TAF7L: variants seen among roughly 807,000 people sequenced by gnomAD.
The protein encoded by TAF7L is transcription initiation factor TFIID subunit 7-like.
TAF7L carries 6 observed loss-of-function variants against 30.2 expected under a neutral mutation model. The ratio of observed to expected loss-of-function variants is 0.20; its 90% confidence interval spans 0.11 to 0.39. The LOEUF (loss-of-function observed/expected upper bound fraction) is 0.39, where lower values mean the gene tolerates loss of function less well. TAF7L is among the 10% of genes least tolerant of loss of function. TAF7L has a pLI of 1.00. For missense variants in TAF7L, 284 were observed against 277.1 expected (o/e 1.03, Z -0.18); for synonymous variants, 93 against 94.5 (o/e 0.98, Z 0.09).
intron 4 of TAF7L, 91 bp from the exon 5 acceptor site, chrX:101,282,544 A>G: frequency 1.0e-6 from 1 of 988,743 alleles, no homozygotes; most frequent in Non-Finnish European, 1.4e-6. Flanking sequence ...TGCACAGAAG[A>G]GACTGATACT....
At chrX:101,276,280 C>T in intron 10 of TAF7L, 27 bp downstream of exon 10, 1 of 1,210,546 alleles carries the variant, frequency 8.3e-7, no homozygotes, top group Non-Finnish European at 1.1e-6. Context: ...CCACCCTGGT[C>T]CCATCCCTTT....
chrX:101,288,386 G>A (rs1179512156), intron 1 of TAF7L, among the ~76,000 whole-genome samples: 3 of 108,406 alleles, frequency 2.8e-5, no homozygotes, highest in African/African-American at 1.0e-4. Context: ...CAAGTGATCC[G>A]CCCACCTCAG....
At chrX:101,286,711 A>G in intron 2 of TAF7L, 58 bp from the exon 3 acceptor site, 1 of 892,740 alleles carries the variant, frequency 1.1e-6, no homozygotes, top group African/African-American at 2.0e-5. Flanking sequence ...GGCAGCTAAC[A>G]GAATAGATAT....
chrX:101,277,307 C>G (rs184545775), intron 9 of TAF7L, among the ~76,000 whole-genome samples: 299 of 106,775 alleles, frequency 2.8e-3, no homozygotes, highest in African/African-American at 9.8e-3. Flanking sequence ...AAAAAATTAG[C>G]TGGGCATGGT....
chrX:101,276,189 C>T, intron 10 of TAF7L, 77 bp from the exon 11 acceptor site: 1 of 1,172,225 alleles, frequency 8.5e-7, no homozygotes, highest in Admixed American at 2.4e-5. Context: ...AAGTAAAACT[C>T]TACTACACAT....
chrX:101,281,942 G>A (rs1450036859), intron 5 of TAF7L, among the ~76,000 whole-genome samples, 167 bp from the exon 6 acceptor site: 3 of 102,531 alleles, frequency 2.9e-5, no homozygotes, highest in African/African-American at 1.1e-4. Context: ...CTGGAGTGCA[G>A]TGGTGCGAGC....
intron 7 of TAF7L, among the ~76,000 whole-genome samples, 164 bp from the exon 8 acceptor site, chrX:101,278,285 C>T (rs4986657): frequency 0.17 from 18,843 of 111,589 alleles, 1,357 homozygotes; most frequent in Non-Finnish European, 0.22. Flanking sequence ...ATAAAGGAAT[C>T]TTTAGCCAGG....
chrX:101,274,772 G>A (rs938399093), intron 12 of TAF7L, among the ~76,000 whole-genome samples: 3 of 111,920 alleles, frequency 2.7e-5, no homozygotes, highest in Non-Finnish European at 3.8e-5. Flanking sequence ...TCAAATGTAT[G>A]TATAGCTCAC....
At chrX:101,271,543 T>C (rs576414525) in intron 12 of TAF7L, among the ~76,000 whole-genome samples, 1 of 111,887 alleles carries the variant, frequency 8.9e-6, no homozygotes, top group East Asian at 2.8e-4. Flanking sequence ...TACACTTATA[T>C]AGGGCACTTA....
At chrX:101,276,162 G>A in intron 10 of TAF7L, 50 bp from the exon 11 acceptor site, 2 of 1,154,077 alleles carry the variant, frequency 1.7e-6, no homozygotes, top group Admixed American at 5.2e-5. Flanking sequence ...CTAAATGAAT[G>A]GACCAAGATC....
intron 1 of TAF7L, 46 bp downstream of exon 1, chrX:101,291,178 G>A (rs995674243): frequency 6.8e-5 from 43 of 633,624 alleles, no homozygotes; most frequent in Non-Finnish European, 7.9e-5. Flanking sequence ...GCACACTGGC[G>A]GGGCGCTGAC....
intron 1 of TAF7L, among the ~76,000 whole-genome samples, chrX:101,290,529 G>A (rs1221501998): frequency 9.0e-6 from 1 of 111,694 alleles, no homozygotes; most frequent in Non-Finnish European, 1.9e-5. Flanking sequence ...AGATTTCTCA[G>A]CAGAACTAAA....
At chrX:101,291,011 G>A (rs1924777682) in intron 1 of TAF7L, among the ~76,000 whole-genome samples, 1 of 111,970 alleles carries the variant, frequency 8.9e-6, no homozygotes, top group African/African-American at 3.2e-5. Flanking sequence ...TATCCCCGGG[G>A]CACTAAGCTT....
Position 101,273,245 on chromosome X carries a change from C to T in TAF7L, c.1086+1977G>A, listed in dbSNP as rs1011317264. Among the ~76,000 whole-genome samples, 4 of 111,926 alleles carry T rather than the reference C, an allele frequency of 3.6e-5. No homozygotes were observed. In the East Asian group the frequency reaches 1.1e-3, roughly 31 times the overall value. On this transcript the variant is annotated intron_variant, in intron 12 of 12. Transcript: ENST00000356784. ...CCCAACCAGCCTCTTTGCTTCTACTCTCACCTTCTTCCAACCCATTCTCCA... is the reference window on the plus strand; with the variant it reads ...CCCAACCAGCCTCTTTGCTTCTACTTTCACCTTCTTCCAACCCATTCTCCA...
chrX:101,286,739 C>G (rs888071633), intron 2 of TAF7L, 86 bp from the exon 3 acceptor site: 1 of 696,813 alleles, frequency 1.4e-6, no homozygotes, highest in Non-Finnish European at 2.2e-6. Flanking sequence ...AAAGCCCTCC[C>G]TTAAATAAAA....
In TAF7L at chrX:101,279,039, T is replaced by C; in HGVS notation, c.463-4A>G. 8.4e-7 allele frequency: 1 copy of C among 1,197,501 alleles called. No homozygotes were observed. Among genetic ancestry groups the C allele is most frequent in the Non-Finnish European group, 1.1e-6 (1 of 883,376 alleles). ...CCATTTCTTTGACATCAGGGACCTA[T>C]GAAATAAAACACAATAAACAAGTTA... On this transcript the variant is annotated splice_region_variant and splice_polypyrimidine_tract_variant and intron_variant, in intron 6 of 12. Coordinates refer to ENST00000356784, the MANE Select transcript of TAF7L (RefSeq NM_001168474.2).
At chrX:101,287,027 C>G (rs1182537191) in intron 2 of TAF7L, among the ~76,000 whole-genome samples, 2 of 112,154 alleles carry the variant, frequency 1.8e-5, no homozygotes, top group Non-Finnish European at 3.8e-5. Context: ...GCTGCCTAGA[C>G]TAAGTAATTG....
At chrX:101,277,940 T>C (rs1924269911) in intron 8 of TAF7L, 109 bp downstream of exon 8, 2 of 687,717 alleles carry the variant, frequency 2.9e-6, no homozygotes, top group African/African-American at 4.3e-5. Flanking sequence ...TCAAAGAATC[T>C]TAAGTTCCAC....
chrX:101,276,509 C>G lies in TAF7L; in HGVS notation c.711G>C (p.Glu237Asp). ...HTSSEYDMLR[E>D]MFSDSRSNND... is the part of the protein sequence containing the mutation. ...TGTTACTTCTAGAATCACTGAACATCTCCCGAAGCATATCATATTCTACTA... is the reference window on the plus strand; with the variant it reads ...TGTTACTTCTAGAATCACTGAACATGTCCCGAAGCATATCATATTCTACTA... The change falls in exon 10 of 13, where the codon GAG becomes GAC. Residue 237 changes from glutamate to aspartate, a missense_variant. Coordinates refer to ENST00000356784, the MANE Select transcript of TAF7L (RefSeq NM_001168474.2). The G allele has an allele frequency of 1.7e-6, 2 of 1,210,867 alleles. No homozygotes were observed. Among genetic ancestry groups the G allele is most frequent in the Non-Finnish European group, 2.2e-6 (2 of 895,175 alleles).
Sources: gnomAD v4.1 joint callset for allele counts (sites outside exome capture counted in the v4.1 genomes callset) on GRCh38, gnomAD v4.1.1 for gene constraint, MANE v1.5 for transcripts, NCBI Gene and HGNC (gene_info 2026-07-23, HGNC 2026-07-21) for gene names.